MPHOSPH9: variants seen among roughly 807,000 people sequenced by gnomAD.
MPHOSPH9 encodes the protein M-phase phosphoprotein 9.
A neutral mutation model predicts 145.5 loss-of-function variants in MPHOSPH9; 88 were observed. The observed-to-expected ratio is 0.60, with a 90% CI of 0.51 to 0.72. The LOEUF (loss-of-function observed/expected upper bound fraction) is 0.72. Among genes scored for constraint, MPHOSPH9 ranks in the 30% least tolerant of loss-of-function variants. The pLI is 0.00. For missense variants in MPHOSPH9, 1,238 were observed against 1,386.6 expected (o/e 0.89, Z 1.70); for synonymous variants, 435 against 486.2 (o/e 0.89, Z 1.39).
chr12:123,204,276 TGCGCAACAAGA>T (rs1175549918), intron 8 of MPHOSPH9, among the ~76,000 whole-genome samples: 1 of 147,828 alleles, frequency 6.8e-6, no homozygotes, highest in Admixed American at 6.9e-5. Context: ...CACTTTAGCC[TGCGCAACAAGA>T]GCGAAACTCC....
intron 5 of MPHOSPH9, among the ~76,000 whole-genome samples, chr12:123,218,851 T>C (rs914609181): frequency 6.8e-6 from 1 of 147,310 alleles, no homozygotes; most frequent in Non-Finnish European, 1.5e-5. Flanking sequence ...ACTTCACATA[T>C]AAAGCTAACC....
intron 8 of MPHOSPH9, among the ~76,000 whole-genome samples, chr12:123,205,101 T>C (rs981323377): frequency 1.5e-4 from 23 of 152,206 alleles, no homozygotes; most frequent in African/African-American, 2.2e-4. Context: ...GATTCAACAA[T>C]AGATACACTG....
At position 123,202,612 on chromosome 12, in the gene MPHOSPH9, T is replaced by C. The variant is rs779817605; in HGVS notation, c.1781+12A>G. The C allele has an allele frequency of 6.2e-7, 1 of 1,600,318 alleles. No individual in the cohort carries two copies. The highest frequency in any genetic ancestry group is 1.3e-5 in the African/African-American group (1 of 74,492). ...TCTATTAACATTACAAGCCATTCACTGAAATACATACTTAGACAATATCAC... is the reference window on the plus strand; with the variant it reads ...TCTATTAACATTACAAGCCATTCACCGAAATACATACTTAGACAATATCAC... On this transcript the variant is annotated intron_variant, in intron 10 of 23. Coordinates refer to ENST00000606320, the MANE Select transcript of MPHOSPH9 (RefSeq NM_022782.4).
At chr12:123,170,174 G>A (rs998055040) in intron 16 of MPHOSPH9, among the ~76,000 whole-genome samples, 4 of 145,982 alleles carry the variant, frequency 2.7e-5, no homozygotes, top group Non-Finnish European at 6.1e-5. Context: ...ACAGAGTCTC[G>A]CTCTGTCACC....
rs573438110 is a variant in MPHOSPH9, at chr12:123,226,957, G to A, written c.258+506C>T. ...CGGCCATGTAAGTATTCTTTTAACT[G>A]TTACATTTTTATATCACAATTTAAC... On this transcript the variant is annotated intron_variant, in intron 3 of 23. Coordinates refer to ENST00000606320, the MANE Select transcript of MPHOSPH9 (RefSeq NM_022782.4). 7.2e-5 allele frequency among the ~76,000 whole-genome samples: 11 copies of A among 152,200 alleles called. No homozygotes were observed. The South Asian group carries it at 2.1e-3, about 29-fold the overall frequency.
chr12:123,169,741 C>T lies in MPHOSPH9; in HGVS notation c.2457-2952G>A, dbSNP rs540098325. Among the ~76,000 whole-genome samples the T allele has an allele frequency of 2.6e-5, 4 of 151,530 alleles. No individual in the cohort carries two copies. The East Asian group carries it at 6.0e-4, about 23-fold the overall frequency. On this transcript the variant is annotated intron_variant, in intron 16 of 23. Transcript: ENST00000606320. ...TCAGCCTCCACAGTTGCTGGGATTA[C>T]AGGGGCCCACCACTGTGCCCAGCTA...
intron 6 of MPHOSPH9, among the ~76,000 whole-genome samples, chr12:123,215,778 G>A (rs1342635326): frequency 1.3e-5 from 2 of 152,120 alleles, no homozygotes; most frequent in East Asian, 1.9e-4. Context: ...TTTAATTCCT[G>A]TAAAGAGTAT....
chr12:123,178,194 G>A (rs1208815572), intron 15 of MPHOSPH9, among the ~76,000 whole-genome samples: 2 of 152,176 alleles, frequency 1.3e-5, no homozygotes, highest in African/African-American at 4.8e-5. Context: ...GGTGCATACC[G>A]CCATGCCTGG....
upstream of MPHOSPH9, chr12:123,233,435 C>G (rs1057188127): frequency 6.6e-6 from 1 of 152,284 alleles, no homozygotes; most frequent in Non-Finnish European, 1.5e-5. Flanking sequence ...CGGAGTACGG[C>G]GCGTGCGCAG....
intron 13 of MPHOSPH9, among the ~76,000 whole-genome samples, chr12:123,190,502 T>C (rs1403758421): frequency 6.6e-6 from 1 of 152,164 alleles, no homozygotes; most frequent in African/African-American, 2.4e-5. Context: ...CATTATATTA[T>C]TCTCTATATC....
chr12:123,224,817 C>A (rs569816324), intron 3 of MPHOSPH9, among the ~76,000 whole-genome samples: 2 of 152,292 alleles, frequency 1.3e-5, no homozygotes, highest in East Asian at 3.9e-4. Flanking sequence ...AAGTTGGTCA[C>A]CCTTTCAGAA....
At chr12:123,220,697 A>G (rs1261727583) in intron 5 of MPHOSPH9, among the ~76,000 whole-genome samples, 1 of 152,124 alleles carries the variant, frequency 6.6e-6, no homozygotes, top group African/African-American at 2.4e-5. Context: ...TTTAGGCTAC[A>G]GTGAGCTATG....
At chr12:123,196,780 A>G (rs942774716) in intron 12 of MPHOSPH9, among the ~76,000 whole-genome samples, 1 of 152,200 alleles carries the variant, frequency 6.6e-6, no homozygotes, top group Non-Finnish European at 1.5e-5. Flanking sequence ...GAATGTAAAC[A>G]AAAATGTGGT....
chr12:123,202,304 C>G lies in MPHOSPH9; in HGVS notation c.1797G>C (p.Leu599=). 6.2e-7 allele frequency: 1 copy of G among 1,606,168 alleles called. No homozygotes were observed. The highest frequency in any genetic ancestry group is 8.5e-7 in the Non-Finnish European group (1 of 1,178,006). ...CTATGTGTCGAGCATGCTTTTCCTTCAGATTCTGCCTAATCCTTATTCAGT... is the reference window on the plus strand; with the variant it reads ...CTATGTGTCGAGCATGCTTTTCCTTGAGATTCTGCCTAATCCTTATTCAGT... ...PVILSKIRQN[L]KEKHARHIAD... The change falls in exon 11 of 24, where the codon CTG becomes CTC. Residue 599 remains leucine (L), a synonymous_variant. Transcript: ENST00000606320.
chr12:123,166,629 T>C, intron 17 of MPHOSPH9, 26 bp downstream of exon 17: 1 of 1,607,660 alleles, frequency 6.2e-7, no homozygotes, highest in Non-Finnish European at 8.5e-7. Context: ...CATCCCTAAA[T>C]AGAATCTTTA....
intron 13 of MPHOSPH9, among the ~76,000 whole-genome samples, chr12:123,184,303 G>T (rs954809439): frequency 6.6e-6 from 1 of 151,966 alleles, no homozygotes; most frequent in African/African-American, 2.4e-5. Context: ...GCAAGAGACT[G>T]TAAGACCTGT....
chr12:123,206,656 G>A (rs1322867576), intron 8 of MPHOSPH9, among the ~76,000 whole-genome samples: 1 of 152,016 alleles, frequency 6.6e-6, no homozygotes, highest in African/African-American at 2.4e-5. Flanking sequence ...GCTCACACCT[G>A]TAATCCCAGC....
At chr12:123,160,989 A>G (rs1423731036) in intron 22 of MPHOSPH9, 140 bp from the exon 23 acceptor site, 3 of 1,325,700 alleles carry the variant, frequency 2.3e-6, no homozygotes, top group Non-Finnish European at 3.1e-6. Context: ...AGTAACGACC[A>G]CATGGCTCAA....
rs1438842860 is a variant in MPHOSPH9 at position 123,230,262 on chromosome 12, T to C, written c.103A>G (p.Arg35Gly). 2.7e-6 allele frequency: 4 copies of C among 1,462,300 alleles called. No individual in the cohort carries two copies. Among genetic ancestry groups the C allele is most frequent in the South Asian group, 2.5e-5 (2 of 80,230 alleles). The allele number at this position is 1,462,300 out of a possible 1,614,324, so 90.6% of individuals were successfully genotyped here. ...ATTTTTTTTAAATCCCATTCTTACCTATCAGTATTTAAGTTCAGTCCAAGA... is the reference window on the plus strand; with the variant it reads ...ATTTTTTTTAAATCCCATTCTTACCCATCAGTATTTAAGTTCAGTCCAAGA... ...HSLGLNLNTD[R>G]SSPHLSTNGV... Residue 35 changes from arginine (R) to glycine (G), a missense_variant and splice_region_variant, in exon 2 of 24, where the codon AGA (arginine) becomes GGA (glycine). Arg to Gly is a moderately radical substitution (Grantham distance 125). Transcript: ENST00000606320.
Sources: allele counts gnomAD v4.1 joint callset (sites outside exome capture counted in the v4.1 genomes callset), GRCh38; gene constraint gnomAD v4.1.1; transcripts MANE v1.5; gene names NCBI Gene and HGNC (gene_info 2026-07-23, HGNC 2026-07-21).